The following CRADD variants were observed in gnomAD, a reference collection of about 807,000 sequenced individuals.
CRADD encodes the protein CARD and death domain containing adaptor protein.
In CRADD, 9 loss-of-function variants were observed where a neutral mutation model predicts 15.5. The observed-to-expected ratio is 0.58, with a 90% CI of 0.35 to 1.01. The LOEUF is 1.01. Among genes scored for constraint, CRADD ranks in the 50% least tolerant of loss-of-function variants. The pLI is 0.02. For synonymous variants in CRADD, 118 were observed against 107.6 expected, an observed-to-expected ratio of 1.10 and a Z score of -0.60; for missense variants, 227 against 250.3, an observed-to-expected ratio of 0.91 and a Z score of 0.63.
At chr12:93,884,528 G>A (rs1175810040) in intron 2 of CRADD, among the ~76,000 whole-genome samples, 1 of 152,172 alleles carries the variant, frequency 6.6e-6, no homozygotes, top group East Asian at 1.9e-4. Flanking sequence ...GGGAGGACGG[G>A]GTGGGGCCTC....
At chr12:93,769,231 G>T (rs545477764) in intron 2 of CRADD, among the ~76,000 whole-genome samples, 4 of 151,960 alleles carry the variant, frequency 2.6e-5, no homozygotes, top group African/African-American at 4.8e-5. Flanking sequence ...ACAGGTATGC[G>T]TCACCATGCC....
chr12:93,682,675 A>G (rs17732565), intron 2 of CRADD, among the ~76,000 whole-genome samples: 5,698 of 152,240 alleles, frequency 0.037, 168 homozygotes, highest in South Asian at 0.066. Context: ...TAATTTGTTT[A>G]GAGAATTGAG....
At chr12:93,689,577 A>AAG (rs1311699180) in intron 2 of CRADD, among the ~76,000 whole-genome samples, 1 of 152,186 alleles carries the variant, frequency 6.6e-6, no homozygotes, top group Non-Finnish European at 1.5e-5. Flanking sequence ...AATGTTATGA[A>AAG]AGAAACTTTA....
intron 2 of CRADD, among the ~76,000 whole-genome samples, chr12:93,763,669 A>C (rs1956994711): frequency 6.6e-6 from 1 of 152,136 alleles, no homozygotes; most frequent in Non-Finnish European, 1.5e-5. Context: ...AAATGCAAAA[A>C]ATGGAAAATT....
chr12:93,877,318 T>C (rs1958464375), intron 2 of CRADD, among the ~76,000 whole-genome samples: 1 of 152,182 alleles, frequency 6.6e-6, no homozygotes, highest in African/African-American at 2.4e-5. Context: ...ACTGCCTATG[T>C]AACCACTACG....
intron 2 of CRADD, among the ~76,000 whole-genome samples, chr12:93,696,674 A>G (rs1334267636): frequency 6.6e-6 from 1 of 152,150 alleles, no homozygotes; most frequent in East Asian, 1.9e-4. Flanking sequence ...CATGATGACT[A>G]TAGATAATTA....
At chr12:93,816,251 C>G (rs1434300081) in intron 2 of CRADD, 4 of 152,156 alleles carry the variant, frequency 2.6e-5, no homozygotes, top group Non-Finnish European at 5.9e-5. Flanking sequence ...GAGTCTTGCT[C>G]TGTCGCCCAG....
intron 2 of CRADD, chr12:93,849,018 A>G (rs192301143): frequency 2.6e-5 from 4 of 151,818 alleles, no homozygotes; most frequent in East Asian, 1.9e-4. Flanking sequence ...CTGCTACCCT[A>G]TGGCCTCTTA....
intron 2 of CRADD, among the ~76,000 whole-genome samples, chr12:93,886,451 G>A (rs1449427093): frequency 6.6e-6 from 1 of 152,134 alleles, no homozygotes; most frequent in East Asian, 1.9e-4. Context: ...GTGAGCCACT[G>A]CGCCCAGCCT....
chr12:93,825,436 G>A (rs1014512463), intron 2 of CRADD, among the ~76,000 whole-genome samples: 39 of 152,262 alleles, frequency 2.6e-4, no homozygotes, highest in African/African-American at 8.4e-4. Flanking sequence ...ATCTTGTGGC[G>A]ATGGCTTTAA....
intron 2 of CRADD, among the ~76,000 whole-genome samples, chr12:93,875,996 G>A (rs1363486481): frequency 6.6e-6 from 1 of 152,068 alleles, no homozygotes; most frequent in African/African-American, 2.4e-5. Flanking sequence ...CAGGTCTGGT[G>A]TTGATGAAAC....
In CRADD at chr12:93,697,596, TAAGTTAAATAA is replaced by T. The variant is rs547438611; in HGVS notation, c.298+18525_298+18535del. Among the ~76,000 whole-genome samples the T allele has an allele frequency of 9.9e-3, 1,118 of 112,752 alleles. 11 individuals are homozygous for T. The highest frequency in any genetic ancestry group is 0.065 in the African/African-American group (1,044 of 16,018). 74.0% of individuals were successfully genotyped at this position (112,752 alleles called of 152,430 possible). A position where few individuals can be genotyped will look rare whatever the true frequency, so the allele number is the denominator to read the frequency against. ...AATTTTTATTTGTCAGTTAAAATAA[TAAGTTAAATAA>T]GTTAATTTAAAAAAGAGATAGCCAG... is the stretch of plus-strand genomic sequence containing the variant. On this transcript the variant is annotated intron_variant, in intron 2 of 2. Coordinates refer to ENST00000332896, the MANE Select transcript of CRADD (RefSeq NM_003805.5).
chr12:93,725,128 G>A (rs1791495565), intron 2 of CRADD, among the ~76,000 whole-genome samples: 1 of 152,186 alleles, frequency 6.6e-6, no homozygotes, highest in South Asian at 2.1e-4. Flanking sequence ...CCAAAGTGCT[G>A]GGATTACAGG....
At chr12:93,689,114 G>C (rs1955505978) in intron 2 of CRADD, among the ~76,000 whole-genome samples, 1 of 152,182 alleles carries the variant, frequency 6.6e-6, no homozygotes, top group Non-Finnish European at 1.5e-5. Context: ...GTAAAAAAAA[G>C]ACTAAATCTC....
At chr12:93,684,417 C>T (rs1242798261) in intron 2 of CRADD, among the ~76,000 whole-genome samples, 10 of 152,134 alleles carry the variant, frequency 6.6e-5, no homozygotes, top group Non-Finnish European at 1.5e-5. Context: ...AGTCTAATGC[C>T]ACTGCTGATC....
At chr12:93,825,360 T>C (rs190172186) in intron 2 of CRADD, among the ~76,000 whole-genome samples, 1 of 152,308 alleles carries the variant, frequency 6.6e-6, no homozygotes, top group African/African-American at 2.4e-5. Flanking sequence ...TCTGAGTGAT[T>C]TGGGGCAAGT....
chr12:93,792,643 A>G (rs370095909), intron 2 of CRADD, among the ~76,000 whole-genome samples: 6 of 152,216 alleles, frequency 3.9e-5, no homozygotes, highest in East Asian at 1.9e-4. Context: ...ATGGAAAAAT[A>G]TAGAAGTTAA....
intron 2 of CRADD, among the ~76,000 whole-genome samples, chr12:93,681,041 T>A (rs1334610821): frequency 6.6e-6 from 1 of 152,108 alleles, no homozygotes. Context: ...TGTGCCACCA[T>A]GCTCGGCTAA....
rs115509990 is a variant in CRADD, at chr12:93,705,678, A to G, written c.298+26606A>G. On this transcript the variant is annotated intron_variant, in intron 2 of 2. Transcript: ENST00000332896. ...CCTCTTCTTTGGAATTTAATGTGTC[A>G]GTAATGGCTCCTAGAGCTGGAACAG... 8.4e-3 allele frequency among the ~76,000 whole-genome samples: 1,273 copies of G among 152,350 alleles called. 26 individuals carry two copies. Among genetic ancestry groups the G allele is most frequent in the African/African-American group, 0.029 (1,218 of 41,580 alleles).
Sources: gnomAD v4.1 joint callset for allele counts (sites outside exome capture counted in the v4.1 genomes callset) on GRCh38, gnomAD v4.1.1 for gene constraint, MANE v1.5 for transcripts, NCBI Gene and HGNC (gene_info 2026-07-23, HGNC 2026-07-21) for gene names.